Variants in CEP128 observed in about 807,000 individuals in gnomAD.
CEP128 encodes the protein centrosomal protein 128kDa.
CEP128 carries 132 observed loss-of-function variants against 156.7 expected under a neutral mutation model. The ratio of observed to expected loss-of-function variants is 0.84; its 90% CI spans 0.73 to 0.97. The LOEUF (loss-of-function observed/expected upper bound fraction) is 0.97, where lower values mean the gene tolerates loss of function less well. Among genes scored for constraint, CEP128 ranks in the 50% least tolerant of loss-of-function variants. The pLI is 0.00. For missense variants in CEP128, 1,252 were observed against 1,281.9 expected, an observed-to-expected ratio of 0.98 and a Z score of 0.36; for synonymous variants, 469 against 448.9, an observed-to-expected ratio of 1.04 and a Z score of -0.57.
chr14:80,646,278 G>T (rs1314647281), intron 19 of CEP128, among the ~76,000 whole-genome samples: 5 of 152,016 alleles, frequency 3.3e-5, no homozygotes, highest in African/African-American at 9.7e-5. Flanking sequence ...AATGGGAGAG[G>T]CTGTGCTTGT....
At chr14:80,510,216 T>C (rs1226919300) in intron 23 of CEP128, among the ~76,000 whole-genome samples, 1 of 152,176 alleles carries the variant, frequency 6.6e-6, no homozygotes, top group Non-Finnish European at 1.5e-5. Context: ...TTGGGTAGTA[T>C]GGACATTTTA....
chr14:80,758,538 A>C (rs1209876465), intron 17 of CEP128, among the ~76,000 whole-genome samples: 1 of 152,052 alleles, frequency 6.6e-6, no homozygotes, highest in African/African-American at 2.4e-5. Flanking sequence ...AAAAAAAAAA[A>C]AACCATTTAA....
chr14:80,959,273 A>T (rs995838552), intron 1 of CEP128, among the ~76,000 whole-genome samples: 1 of 152,182 alleles, frequency 6.6e-6, no homozygotes, highest in East Asian at 1.9e-4. Context: ...ATGTGTAGGT[A>T]GTTTGAAAAA....
intron 4 of CEP128, among the ~76,000 whole-genome samples, chr14:80,908,288 CCT>C (rs1302758827): frequency 1.3e-5 from 2 of 152,020 alleles, no homozygotes; most frequent in African/African-American, 2.4e-5. Context: ...TTCTCTCTCC[CCT>C]CTCCTTCTGG....
chr14:80,600,892 G>A lies in CEP128; in HGVS notation c.2807-20469C>T, dbSNP rs184063678. On this transcript the variant is annotated intron_variant, in intron 19 of 24. Coordinates refer to ENST00000555265, the MANE Select transcript of CEP128 (RefSeq NM_152446.5). ...AGGAAATATAAGGTAACAGAATTAC[G>A]GAAGAGCAAAAAAATTGTATGCTAT... Among the ~76,000 whole-genome samples the A allele has an allele frequency of 2.0e-3, 299 of 148,424 alleles. 11 individuals carry two copies. The highest frequency in any genetic ancestry group is 0.019 in the Admixed American group (281 of 14,908).
downstream of CEP128, among the ~76,000 whole-genome samples, chr14:80,495,568 C>T (rs1433089414): frequency 2.0e-5 from 3 of 151,408 alleles, no homozygotes; most frequent in African/African-American, 7.2e-5. Context: ...TAAGATTCCT[C>T]TCCAGTCTGT....
chr14:80,949,587 G>A (rs1886418855), intron 2 of CEP128, among the ~76,000 whole-genome samples: 1 of 152,122 alleles, frequency 6.6e-6, no homozygotes, highest in East Asian at 1.9e-4. Context: ...ACTGGCTAGA[G>A]TAATCAGAAG....
intron 2 of CEP128, among the ~76,000 whole-genome samples, chr14:80,931,655 C>T (rs1019958486): frequency 6.6e-6 from 1 of 152,194 alleles, no homozygotes; most frequent in African/African-American, 2.4e-5. Flanking sequence ...GTGTGACTGA[C>T]ATATTCAAAT....
intron 2 of CEP128, among the ~76,000 whole-genome samples, chr14:80,938,251 T>TTC (rs2139621054): frequency 6.8e-6 from 1 of 147,884 alleles, no homozygotes; most frequent in East Asian, 2.0e-4. Context: ...TAGTATTTTT[T>TTC]TTTTTTTTTT....
intron 19 of CEP128, among the ~76,000 whole-genome samples, chr14:80,678,645 A>G (rs963434048): frequency 2.0e-5 from 3 of 152,212 alleles, no homozygotes; most frequent in Non-Finnish European, 1.5e-5. Flanking sequence ...GTGCCAATAC[A>G]TGAAGAGCTT....
chr14:80,488,926 T>C (rs1275486236), downstream of CEP128, among the ~76,000 whole-genome samples: 11 of 142,174 alleles, frequency 7.7e-5, no homozygotes, highest in East Asian at 2.0e-4. Flanking sequence ...TAGGTGGGAA[T>C]TGAACAATGA....
chr14:80,697,446 G>A (rs1896928220), intron 19 of CEP128, among the ~76,000 whole-genome samples: 1 of 151,978 alleles, frequency 6.6e-6, no homozygotes, highest in Non-Finnish European at 1.5e-5. Flanking sequence ...ATCTGAAATT[G>A]GGAATTCTTA....
chr14:80,597,896 A>G (rs963132332), intron 19 of CEP128, among the ~76,000 whole-genome samples: 9 of 143,882 alleles, frequency 6.3e-5, no homozygotes, highest in African/African-American at 2.3e-4. Flanking sequence ...TTCATTGACC[A>G]TTTATGATAA....
At chr14:80,587,142 C>T (rs1745490606) in intron 19 of CEP128, among the ~76,000 whole-genome samples, 1 of 151,938 alleles carries the variant, frequency 6.6e-6, no homozygotes, top group South Asian at 2.1e-4. Context: ...CAAAAAAGGC[C>T]TATTAGTAAA....
At chr14:80,542,333 C>T (rs571684526) in intron 21 of CEP128, among the ~76,000 whole-genome samples, 3 of 152,162 alleles carry the variant, frequency 2.0e-5, no homozygotes, top group Admixed American at 6.5e-5. Flanking sequence ...CATAAACATA[C>T]ATAAAGATAC....
intron 19 of CEP128, among the ~76,000 whole-genome samples, chr14:80,615,717 C>T (rs2140618583): frequency 6.6e-6 from 1 of 152,242 alleles, no homozygotes; most frequent in East Asian, 1.9e-4. Flanking sequence ...GGCATGGTGG[C>T]ATGCACCTAT....
chr14:80,502,061 G>C (rs1168403487), intron 24 of CEP128, among the ~76,000 whole-genome samples: 2 of 152,168 alleles, frequency 1.3e-5, no homozygotes, highest in Non-Finnish European at 2.9e-5. Flanking sequence ...ATAACTGTGA[G>C]TGCAGAACTG....
intron 20 of CEP128, among the ~76,000 whole-genome samples, chr14:80,579,040 T>G (rs1042476590): frequency 6.6e-6 from 1 of 152,148 alleles, no homozygotes; most frequent in African/African-American, 2.4e-5. Flanking sequence ...GCTATTAAAT[T>G]TAATGAGATT....
chr14:80,573,393 A>G (rs903146983), intron 20 of CEP128, among the ~76,000 whole-genome samples: 2 of 152,086 alleles, frequency 1.3e-5, no homozygotes. Flanking sequence ...TGAGTCTTGA[A>G]GTCTTGCGCT....
Sources: gnomAD v4.1 joint callset for allele counts (sites outside exome capture counted in the v4.1 genomes callset) on GRCh38, gnomAD v4.1.1 for gene constraint, MANE v1.5 for transcripts, NCBI Gene and HGNC (gene_info 2026-07-23, HGNC 2026-07-21) for gene names.